Variants in PITPNM3 observed in about 807,000 individuals in gnomAD.
PITPNM3 encodes the protein membrane-associated phosphatidylinositol transfer protein 3.
A neutral mutation model predicts 102.0 loss-of-function variants in PITPNM3; 26 were observed. That is an observed-to-expected ratio of 0.25 (90% CI 0.19 to 0.35). The LOEUF is 0.35. Ranked by LOEUF, PITPNM3 falls within the 10% of genes least tolerant of loss-of-function variation. The probability of loss-of-function intolerance (pLI) is 1.00; values close to 1 mark genes in which losing one functional copy is unlikely to be tolerated. For synonymous variants in PITPNM3, 578 were observed against 558.6 expected (o/e 1.03, Z -0.49); for missense variants, 1,083 against 1,346.1 (o/e 0.80, Z 3.06).
rs537546691 is a variant in PITPNM3, at chr17:6,474,490, G to A, written c.1200C>T (p.Phe400=). The A allele has an allele frequency of 1.8e-5, 29 of 1,613,516 alleles. No homozygotes were observed. The highest frequency in any genetic ancestry group is 3.3e-5 in the Admixed American group (2 of 60,018). The change falls in exon 10 of 20, where the codon TTC becomes TTT. Residue 400 remains phenylalanine (F), a synonymous_variant. Coordinates refer to ENST00000262483, the MANE Select transcript of PITPNM3 (RefSeq NM_031220.4). ...CCAGGACCAGGCCCAGTGGCGAGCC[G>A]AAGAGGAAGAAGTCGGACACATCGA... ...FDFDVSDFFL[F]GSPLGLVLAM...
intron 3 of PITPNM3, among the ~76,000 whole-genome samples, chr17:6,518,950 C>T (rs1179266324): frequency 5.3e-5 from 8 of 152,146 alleles, no homozygotes; most frequent in Admixed American, 5.2e-4. Flanking sequence ...AGCCCGCTAC[C>T]GCTTGTCACT....
At chr17:6,495,342 G>C (rs1006636403) in intron 4 of PITPNM3, among the ~76,000 whole-genome samples, 1 of 152,124 alleles carries the variant, frequency 6.6e-6, no homozygotes, top group South Asian at 2.1e-4. Context: ...CTCTGGGAAG[G>C]TTTGTGGCAG....
At chr17:6,485,967 A>C (rs1906067960) in intron 4 of PITPNM3, among the ~76,000 whole-genome samples, 1 of 152,210 alleles carries the variant, frequency 6.6e-6, no homozygotes, top group Non-Finnish European at 1.5e-5. Flanking sequence ...TACAGCTCAC[A>C]AAGCTGAAAA....
chr17:6,506,234 T>C (rs1907499202), intron 3 of PITPNM3, among the ~76,000 whole-genome samples: 1 of 152,088 alleles, frequency 6.6e-6, no homozygotes, highest in Non-Finnish European at 1.5e-5. Context: ...GGGTCCCTTG[T>C]TCAAACAGAA....
chr17:6,540,414 A>G (rs1400975586), intron 1 of PITPNM3, among the ~76,000 whole-genome samples: 5 of 152,186 alleles, frequency 3.3e-5, no homozygotes, highest in East Asian at 1.9e-4. Context: ...ATTACAGCCT[A>G]AAGAACAGAC....
chr17:6,531,009 C>T (rs1909115221), intron 2 of PITPNM3, among the ~76,000 whole-genome samples: 1 of 152,110 alleles, frequency 6.6e-6, no homozygotes, highest in African/African-American at 2.4e-5. Flanking sequence ...AGGGCTGGGC[C>T]AAGAATCGAG....
rs1191714489 is a variant in PITPNM3 at position 6,461,448 on chromosome 17, C to A, written c.2415G>T (p.Met805Ile). 6.2e-7 allele frequency: 1 copy of A among 1,614,070 alleles called. No homozygotes were observed. The highest frequency in any genetic ancestry group is 1.3e-5 in the African/African-American group (1 of 74,950). ...GCACCAGCCCATCGGAGAAGAAGATCATGCCCTGTGGGAAGTTGTGCTGGG... is the reference window on the plus strand; with the variant it reads ...GCACCAGCCCATCGGAGAAGAAGATAATGCCCTGTGGGAAGTTGTGCTGGG... The part of the protein sequence containing the change: ...WLSQHNFPQG[M>I]IFFSDGLVHD... The change falls in exon 18 of 20, where the codon ATG becomes ATT. Residue 805 changes from methionine (M) to isoleucine (I), a missense_variant. Met to Ile is a conservative substitution (Grantham distance 10, BLOSUM62 1). Coordinates refer to ENST00000262483, the MANE Select transcript of PITPNM3 (RefSeq NM_031220.4).
In PITPNM3 at chr17:6,470,722, T is replaced by G. The variant is rs1359691926; in HGVS notation, c.1625-314A>C. Among the ~76,000 whole-genome samples, 2 of 152,042 alleles carry G rather than the reference T, an allele frequency of 1.3e-5. No individual in the cohort carries two copies. Among genetic ancestry groups the G allele is most frequent in the Non-Finnish European group, 2.9e-5 (2 of 68,000 alleles). On this transcript the variant is annotated intron_variant, in intron 12 of 19. Coordinates refer to ENST00000262483, the MANE Select transcript of PITPNM3 (RefSeq NM_031220.4). The surrounding 1 kb of genome is among the most constrained non-coding windows in gnomAD (Gnocchi z 4.8). ...AGTTCCCAGTGGGCTCTGCCTGAAG[T>G]TGGCGCTGAGTCTATGTCTGGAAGG...
chr17:6,464,926 G>C (rs1330495764), intron 14 of PITPNM3, among the ~76,000 whole-genome samples, 155 bp from the exon 15 acceptor site: 2 of 152,200 alleles, frequency 1.3e-5, no homozygotes, highest in Non-Finnish European at 2.9e-5. Context: ...TGTGTTCCCA[G>C]GGAACGTGTG....
chr17:6,553,540 C>CCT (rs1597425221), intron 1 of PITPNM3, among the ~76,000 whole-genome samples: 1 of 152,178 alleles, frequency 6.6e-6, no homozygotes, highest in East Asian at 1.9e-4. Context: ...GGGTATTATT[C>CCT]ACTAGACCAC....
rs1597357959 is a variant in PITPNM3, at chr17:6,457,444, G to A, written c.2619+150C>T. 2 of 1,331,992 alleles carry A rather than the reference G, an allele frequency of 1.5e-6. No homozygotes were observed. Among genetic ancestry groups the A allele is most frequent in the Admixed American group, 4.1e-5 (2 of 48,810 alleles). The allele number at this position is 1,331,992 out of a possible 1,614,324, so 82.5% of individuals were successfully genotyped here. ...GCACCCAACACAGGCCCTGGCCCAA[G>A]GCAGGCACCCCGAAGTGTTTGTTGA... On this transcript the variant is annotated intron_variant, in intron 19 of 19. Transcript: ENST00000262483. This position sits in a 1 kb window ranked among gnomAD's most constrained non-coding sequence, Gnocchi z 4.7.
chr17:6,478,000 C>A lies in PITPNM3; in HGVS notation c.875G>T (p.Arg292Leu), dbSNP rs769346914. 7 of 1,613,408 alleles carry A rather than the reference C, an allele frequency of 4.3e-6. No individual in the cohort carries two copies. In the Admixed American group the frequency reaches 1.2e-4, roughly 27 times the overall value. Residue 292 changes from arginine to leucine, a missense_variant, in exon 8 of 20, where the codon CGG (arginine) becomes CTG (leucine). By Grantham distance (102) the Arg-to-Leu change is moderately radical. This residue lies in a region of PITPNM3 where 172 missense variants were observed against 175.6 expected (regional missense o/e 0.98). Transcript: ENST00000262483. ...PSGDSPASSS[R>L]KGSISSTQDT... ...CTGGGTGCTGCTGATGCTCCCCTTC[C>A]GGCTGCTGCTGGCAGGGCTGTCCCC... is the stretch of plus-strand genomic sequence containing the variant.
chr17:6,504,135 CT>C (rs1907349183), intron 3 of PITPNM3, among the ~76,000 whole-genome samples: 1 of 152,220 alleles, frequency 6.6e-6, no homozygotes, highest in Non-Finnish European at 1.5e-5. Context: ...CCCCAGGTCT[CT>C]GAGGAAGGTT....
intron 11 of PITPNM3, 133 bp from the exon 12 acceptor site, chr17:6,471,488 C>G (rs931017096): frequency 2.3e-6 from 2 of 874,214 alleles, no homozygotes; most frequent in East Asian, 2.7e-5. Context: ...CTTGCCAGCC[C>G]AGCAGGCACC....
At chr17:6,546,434 G>C (rs1418352384) in intron 1 of PITPNM3, among the ~76,000 whole-genome samples, 1 of 152,234 alleles carries the variant, frequency 6.6e-6, no homozygotes, top group Non-Finnish European at 1.5e-5. Context: ...ACTGTCCTGA[G>C]AACAGCTCAG....
At chr17:6,479,773 A>C (rs1453766207) in intron 6 of PITPNM3, 1 of 152,248 alleles carries the variant, frequency 6.6e-6, no homozygotes, top group Non-Finnish European at 1.5e-5. Flanking sequence ...AACACAAATT[A>C]GAGGAAGCAG....
chr17:6,501,212 G>A (rs1212135384), intron 4 of PITPNM3, among the ~76,000 whole-genome samples: 1 of 152,170 alleles, frequency 6.6e-6, no homozygotes, highest in African/African-American at 2.4e-5. Context: ...GCTCAGAAGG[G>A]GAGATGATTG....
In PITPNM3 at chr17:6,457,646, G is replaced by C; in HGVS notation, c.2567C>G (p.Ser856Cys). The change falls in exon 19 of 20, where the codon TCC becomes TGC. Residue 856 changes from serine (S) to cysteine (C), a missense_variant. Around this residue, in one of 5 missense-constraint regions of PITPNM3, gnomAD observed 208 missense variants for 178.2 expected, o/e 1.17. Transcript: ENST00000262483. This position sits in a 1 kb window ranked among gnomAD's most constrained non-coding sequence, Gnocchi z 4.7. Reference sequence around the variant, plus strand: ...GGGCCGGCCCACAATGAAGATCTGGGAGGCAGGCAGGCCCAGCACGCTGTA... The same window carrying C: ...GGGCCGGCCCACAATGAAGATCTGGCAGGCAGGCAGGCCCAGCACGCTGTA... ...SVYSVLGLPA[S>C]QIFIVGRPTK... 6.2e-7 allele frequency: 1 copy of C among 1,612,294 alleles called. No individual in the cohort carries two copies. Among genetic ancestry groups the C allele is most frequent in the Non-Finnish European group, 8.5e-7 (1 of 1,179,468 alleles).
chr17:6,526,893 C>A (rs1039402400), intron 2 of PITPNM3, among the ~76,000 whole-genome samples: 3 of 152,216 alleles, frequency 2.0e-5, no homozygotes, highest in Non-Finnish European at 4.4e-5. Flanking sequence ...ATCCTGATAG[C>A]CTGCCCTGGA....
Sources: gnomAD v4.1 joint callset for allele counts (sites outside exome capture counted in the v4.1 genomes callset) on GRCh38, gnomAD v4.1.1 for gene constraint, gnomAD v4.1.1 regional missense constraint, Gnocchi (gnomAD v3.1) non-coding constraint, MANE v1.5 for transcripts, NCBI Gene and HGNC (gene_info 2026-07-23, HGNC 2026-07-21) for gene names.